MED13L: variants seen among roughly 807,000 people sequenced by gnomAD.
MED13L encodes mediator of RNA polymerase II transcription subunit 13-like.
In MED13L, 7 loss-of-function variants were observed where a neutral mutation model predicts 220.9. The ratio of observed to expected loss-of-function variants is 0.03; its 90% CI spans 0.02 to 0.06. The LOEUF (loss-of-function observed/expected upper bound fraction) is 0.06. Among genes scored for constraint, MED13L ranks in the 10% least tolerant of loss-of-function variants. The pLI is 1.00. For missense variants in MED13L, 1,965 were observed against 2,760.5 expected (o/e 0.71, Z 6.46); for synonymous variants, 1,011 against 1,015.2 (o/e 1.00, Z 0.08).
intron 4 of MED13L, among the ~76,000 whole-genome samples, chr12:116,023,692 C>G (rs1013432556): frequency 6.6e-6 from 1 of 151,930 alleles, no homozygotes; most frequent in African/African-American, 2.4e-5. Context: ...TTTTGTTTTA[C>G]CAAAATATGA....
chr12:115,963,353 G>T, intron 30 of MED13L, 54 bp downstream of exon 30: 2 of 1,378,912 alleles, frequency 1.5e-6, no homozygotes, highest in Non-Finnish European at 2.1e-6. Context: ...AAAGACAACA[G>T]TAAAGGAATA....
intron 4 of MED13L, among the ~76,000 whole-genome samples, chr12:116,043,476 T>C (rs948918233): frequency 1.3e-5 from 2 of 152,222 alleles, no homozygotes; most frequent in Admixed American, 1.3e-4. Context: ...CAGTTAACAC[T>C]ATGTGGTACA....
At chr12:116,263,237 C>G (rs772419108) in intron 1 of MED13L, among the ~76,000 whole-genome samples, 1 of 151,906 alleles carries the variant, frequency 6.6e-6, no homozygotes, top group Non-Finnish European at 1.5e-5. Flanking sequence ...ACAACGCTTT[C>G]TGACAGGATT....
At chr12:116,246,322 T>C (rs1871095606) in intron 1 of MED13L, among the ~76,000 whole-genome samples, 2 of 150,248 alleles carry the variant, frequency 1.3e-5, no homozygotes, top group South Asian at 2.1e-4. Context: ...GGGAATAAAA[T>C]AAATCCCTAA....
At chr12:116,245,186 G>A (rs183845766) in intron 1 of MED13L, among the ~76,000 whole-genome samples, 299 of 152,194 alleles carry the variant, frequency 2.0e-3, no homozygotes, top group African/African-American at 7.0e-3. Context: ...TGAAGGCCAA[G>A]GACCACCCCC....
chr12:116,042,459 T>C (rs542628829), intron 4 of MED13L, among the ~76,000 whole-genome samples: 91 of 152,194 alleles, frequency 6.0e-4, no homozygotes, highest in Non-Finnish European at 1.1e-3. Context: ...CAGAAGCAGA[T>C]AGAATAATGG....
At chr12:116,027,136 A>T (rs976069660) in intron 4 of MED13L, among the ~76,000 whole-genome samples, 1 of 152,204 alleles carries the variant, frequency 6.6e-6, no homozygotes, top group Non-Finnish European at 1.5e-5. Flanking sequence ...AAAAAACCTA[A>T]TAACAGCTGG....
At chr12:116,074,466 T>A (rs907644876) in intron 4 of MED13L, among the ~76,000 whole-genome samples, 3 of 152,212 alleles carry the variant, frequency 2.0e-5, no homozygotes, top group African/African-American at 2.4e-5. Context: ...TTTAAAAGAA[T>A]ACTTTTTCTT....
intron 2 of MED13L, among the ~76,000 whole-genome samples, chr12:116,224,641 C>A (rs1186390627): frequency 6.6e-6 from 1 of 152,090 alleles, no homozygotes; most frequent in Non-Finnish European, 1.5e-5. Flanking sequence ...ACAATGGTAA[C>A]ACCTTACCGT....
At chr12:116,023,905 C>T (rs189691294) in intron 4 of MED13L, among the ~76,000 whole-genome samples, 325 of 152,246 alleles carry the variant, frequency 2.1e-3, no homozygotes, top group African/African-American at 7.6e-3. Context: ...AGTAAAAATA[C>T]TCTGTCCTTT....
chr12:116,272,113 AGTAATAT>A (rs1410126697), intron 1 of MED13L, among the ~76,000 whole-genome samples: 3 of 152,228 alleles, frequency 2.0e-5, no homozygotes, highest in Non-Finnish European at 4.4e-5. Context: ...ATATGTAAAT[AGTAATAT>A]TTACATATTT....
intron 1 of MED13L, chr12:116,276,691 G>A: frequency 8.6e-7 from 1 of 1,164,208 alleles, no homozygotes; most frequent in Non-Finnish European, 1.1e-6. Context: ...GCAGCACAAG[G>A]CAAAGCCTTC....
intron 4 of MED13L, among the ~76,000 whole-genome samples, chr12:116,024,779 G>C (rs1429355701): frequency 4.3e-5 from 4 of 93,834 alleles, no homozygotes; most frequent in African/African-American, 7.8e-5. Context: ...GGGGCGGGGG[G>C]GGGGGGGAGG....
chr12:116,140,653 C>T (rs1290260843), intron 2 of MED13L, among the ~76,000 whole-genome samples: 2 of 152,112 alleles, frequency 1.3e-5, no homozygotes, highest in South Asian at 2.1e-4. Context: ...CAGAAAAGTA[C>T]GTAATTACAA....
chr12:116,128,535 TA>T (rs1433299869), intron 2 of MED13L, among the ~76,000 whole-genome samples: 1 of 152,156 alleles, frequency 6.6e-6, no homozygotes, highest in Non-Finnish European at 1.5e-5. Flanking sequence ...CCTAAGAGTT[TA>T]ATGTTTTAAA....
At chr12:116,083,876 T>C (rs1179765810) in intron 4 of MED13L, among the ~76,000 whole-genome samples, 1 of 152,110 alleles carries the variant, frequency 6.6e-6, no homozygotes, top group Admixed American at 6.6e-5. Context: ...ACTCCTGCAT[T>C]CCTCCTTAGT....
At position 116,120,469 on chromosome 12, in the gene MED13L, TCTCTCTCTCACA is replaced by T. The variant is rs1348059160; in HGVS notation, c.311-8969_311-8958del. ...CTCTCTCTCTCTCTCTCTCTCTCTC[TCTCTCTCTCACA>T]CACACACACACACACACACACACAC... is the stretch of plus-strand genomic sequence containing the variant. On this transcript the variant is annotated intron_variant, in intron 2 of 30. Transcript: ENST00000281928. Among the ~76,000 whole-genome samples the T allele has an allele frequency of 2.5e-3, 326 of 129,710 alleles. 1 individual carries two copies. The highest frequency in any genetic ancestry group is 0.018 in the East Asian group (78 of 4,408). 85.1% of individuals were successfully genotyped at this position (129,710 alleles called of 152,430 possible). A position where few individuals can be genotyped will look rare whatever the true frequency, so the allele number is the denominator to read the frequency against.
intron 1 of MED13L, among the ~76,000 whole-genome samples, chr12:116,241,495 A>T (rs940430968): frequency 1.3e-5 from 2 of 152,204 alleles, no homozygotes; most frequent in Admixed American, 6.5e-5. Flanking sequence ...ACTCACTACA[A>T]CACTTTCACC....
rs758770197 is a variant in MED13L, at chr12:116,008,637, C to T, written c.1776G>A (p.Leu592=). ...LYGNGLELQQ[L]STLDDRTVLV... The stretch of plus-strand genomic sequence containing the variant: ...GGACAGTTCTGTCATCCAGAGTAGA[C>T]AACTGCTGGAGTTCTAGTCCATTTC... The change falls in exon 10 of 31, where the codon TTG becomes TTA. Residue 592 remains leucine, a synonymous_variant. Coordinates refer to ENST00000281928, the MANE Select transcript of MED13L (RefSeq NM_015335.5). 1 of 1,614,068 alleles carries T rather than the reference C, an allele frequency of 6.2e-7. No homozygotes were observed. Among genetic ancestry groups the T allele is most frequent in the Non-Finnish European group, 8.5e-7 (1 of 1,180,000 alleles).
Sources: gnomAD v4.1 joint callset for allele counts (sites outside exome capture counted in the v4.1 genomes callset) on GRCh38, gnomAD v4.1.1 for gene constraint, MANE v1.5 for transcripts, NCBI Gene and HGNC (gene_info 2026-07-23, HGNC 2026-07-21) for gene names.